PFKFB3: variants seen among roughly 807,000 people sequenced by gnomAD.
PFKFB3 encodes the protein 6-phosphofructo-2-kinase/fructose-2,6-bisphosphatase 3.
A neutral mutation model predicts 68.0 loss-of-function variants in PFKFB3; 33 were observed. The observed-to-expected ratio is 0.49, with a 90% CI of 0.37 to 0.65. PFKFB3 has a LOEUF of 0.65. Ranked by LOEUF, PFKFB3 falls within the 30% of genes least tolerant of loss-of-function variation. The pLI, the probability that PFKFB3 is intolerant of heterozygous loss-of-function variation, is 0.00. For synonymous variants in PFKFB3, 315 were observed against 288.2 expected (o/e 1.09, Z -0.94); for missense variants, 586 against 712.2 (o/e 0.82, Z 2.02).
intron 1 of PFKFB3, among the ~76,000 whole-genome samples, chr10:6,181,337 G>C (rs201196277): frequency 1.6e-5 from 1 of 64,476 alleles, no homozygotes; most frequent in Non-Finnish European, 2.9e-5. Context: ...GTTTATATCA[G>C]CATTATTCAC....
chr10:6,226,181 G>T lies in PFKFB3; in HGVS notation c.1342-11G>T. ...TGTCGCCTTTCTCTCTTTTGTCTTT[G>T]TCTTGCTTAGGATGCAAAGAAGGGA... is the stretch of plus-strand genomic sequence containing the variant. On this transcript the variant is annotated splice_polypyrimidine_tract_variant and intron_variant, in intron 13 of 14. Coordinates refer to ENST00000379775, the MANE Select transcript of PFKFB3 (RefSeq NM_004566.4). 6.4e-7 allele frequency: 1 copy of T among 1,559,526 alleles called. No homozygotes were observed. Among genetic ancestry groups the T allele is most frequent in the Non-Finnish European group, 8.7e-7 (1 of 1,153,846 alleles).
chr10:6,323,690 C>T, the PFKFB3 span, among the ~76,000 whole-genome samples: 10 of 152,166 alleles, frequency 6.6e-5, no homozygotes, highest in East Asian at 1.9e-4. Context: ...CTCTCCAATA[C>T]GATGAAAAGA....
chr10:6,265,268 G>A, the PFKFB3 span, among the ~76,000 whole-genome samples: 6 of 151,500 alleles, frequency 4.0e-5, no homozygotes, highest in Non-Finnish European at 7.4e-5. Context: ...TTTAGTAGAG[G>A]CGGGGTTTCA....
intron 1 of PFKFB3, among the ~76,000 whole-genome samples, chr10:6,176,989 A>G (rs1842491917): frequency 6.6e-6 from 1 of 152,310 alleles, no homozygotes; most frequent in South Asian, 2.1e-4. Context: ...TGTGGGTGGC[A>G]GTGCCTGACT....
intron 14 of PFKFB3, chr10:6,226,571 TC>T: frequency 1.8e-6 from 1 of 563,086 alleles, no homozygotes; most frequent in East Asian, 3.3e-5. Context: ...GGAAGCACCC[TC>T]CGAAGTTAAG....
intron 13 of PFKFB3, chr10:6,224,549 C>T (rs1029195007): frequency 7.2e-5 from 34 of 469,694 alleles, no homozygotes; most frequent in South Asian, 1.6e-4. Context: ...GGCGCAGTCA[C>T]GGCTCACTGC....
At chr10:6,238,325 C>T (rs1459143595), downstream of PFKFB3, among the ~76,000 whole-genome samples, 5 of 151,604 alleles carry the variant, frequency 3.3e-5, no homozygotes, top group East Asian at 1.9e-4. Context: ...CCACTAAGCC[C>T]GGCTAAGTTT....
chr10:6,294,180 T>A, the PFKFB3 span: 1 of 518,376 alleles, frequency 1.9e-6, no homozygotes, highest in Non-Finnish European at 3.9e-6. Context: ...TGGATATAGT[T>A]TGGAATAGAG....
the PFKFB3 span, among the ~76,000 whole-genome samples, chr10:6,262,211 T>G: frequency 8.6e-5 from 13 of 151,664 alleles, no homozygotes; most frequent in Non-Finnish European, 8.8e-5. Context: ...TCCCAGCAGT[T>G]TGGGAGGCTG....
chr10:6,292,174 G>A, the PFKFB3 span, among the ~76,000 whole-genome samples: 1 of 148,618 alleles, frequency 6.7e-6, no homozygotes, highest in African/African-American at 2.5e-5. Context: ...GGCTGGTCTC[G>A]AACTCCTGAT....
rs896899598 is a variant in PFKFB3, at chr10:6,220,329, C to G, written c.624-329C>G. 6.6e-6 allele frequency among the ~76,000 whole-genome samples: 1 copy of G among 152,038 alleles called. No homozygotes were observed. Among genetic ancestry groups the G allele is most frequent in the Non-Finnish European group, 1.5e-5 (1 of 68,004 alleles). ...TGTTGCCCAGGCTGGTCTTGAACTT[C>G]TAGACTCAAGCAATCCTCTTGCCTC... On this transcript the variant is annotated intron_variant, in intron 7 of 14. Transcript: ENST00000379775. This position sits in a 1 kb window ranked among gnomAD's most constrained non-coding sequence, Gnocchi z 4.1.
At chr10:6,281,116 G>T in the PFKFB3 span, among the ~76,000 whole-genome samples, 1 of 140,844 alleles carries the variant, frequency 7.1e-6, no homozygotes, top group Admixed American at 7.4e-5. Flanking sequence ...CATCCAGGTT[G>T]CCGTGAATGC....
At chr10:6,155,590 C>T (rs73612092) in intron 1 of PFKFB3, among the ~76,000 whole-genome samples, 9,009 of 152,164 alleles carry the variant, frequency 0.059, 322 homozygotes, top group Non-Finnish European at 0.076. Flanking sequence ...CCATAAATGT[C>T]AAGGGCTCCA....
chr10:6,205,616 C>T, intron 1 of PFKFB3, among the ~76,000 whole-genome samples: 1 of 151,980 alleles, frequency 6.6e-6, no homozygotes. Flanking sequence ...TGGTCTTGAA[C>T]TCCTGACCTC....
At chr10:6,224,586 T>TCCTCCCGCCTCAG (rs759829241) in intron 13 of PFKFB3, 2 of 422,572 alleles carry the variant, frequency 4.7e-6, no homozygotes, top group Non-Finnish European at 9.4e-6. Context: ...GTTCAAGTGA[T>TCCTCCCGCCTCAG]CCTCCCGCCT....
chr10:6,233,300 G>C lies in PFKFB3; in HGVS notation c.*358G>C, dbSNP rs1845857420. On this transcript the variant is annotated 3_prime_UTR_variant, in exon 15 of 15. Transcript: ENST00000379775. ...CACTGTGCTGTTTTGTTTCGTTTCT[G>C]TGATCTCCCGGCACGTTTGGAGCTG... 1 of 212,596 alleles carries C rather than the reference G, an allele frequency of 4.7e-6. No individual in the cohort carries two copies. The highest frequency in any genetic ancestry group is 2.3e-5 in the African/African-American group (1 of 43,654). The allele number at this position is 212,596 out of a possible 1,614,324, so 13.2% of individuals were successfully genotyped here.
rs548580788 is a variant in PFKFB3 at position 6,224,044 on chromosome 10, C to T, written c.1276+24C>T. 2.5e-6 allele frequency: 4 copies of T among 1,613,946 alleles called. No individual in the cohort carries two copies. The African/African-American group carries it at 4.0e-5, about 16-fold the overall frequency. On this transcript the variant is annotated intron_variant, in intron 12 of 14. Transcript: ENST00000379775. ...TGGTGAGTAGCAACCCCTGCCAAGC[C>T]CTGTCCCCCTGAAGGTGGCCACAGT... is the stretch of plus-strand genomic sequence containing the variant.
chr10:6,209,693 G>C (rs1197917251), intron 1 of PFKFB3, among the ~76,000 whole-genome samples: 1 of 151,012 alleles, frequency 6.6e-6, no homozygotes, highest in Non-Finnish European at 1.5e-5. Context: ...TCGAACTCCT[G>C]ACCTCAGGTG....
At chr10:6,161,542 A>G (rs964553877) in intron 1 of PFKFB3, among the ~76,000 whole-genome samples, 1 of 151,916 alleles carries the variant, frequency 6.6e-6, no homozygotes, top group Non-Finnish European at 1.5e-5. Context: ...ATATACACAC[A>G]TATGTATATA....
Sources: allele counts gnomAD v4.1 joint callset (sites outside exome capture counted in the v4.1 genomes callset), GRCh38; gene constraint gnomAD v4.1.1; non-coding constraint Gnocchi (gnomAD v3.1); transcripts MANE v1.5; gene names NCBI Gene and HGNC (gene_info 2026-07-23, HGNC 2026-07-21).